Variants in ASAP1 observed in about 807,000 individuals in gnomAD.
The protein encoded by ASAP1 is arf-GAP with SH3 domain, ANK repeat and PH domain-containing protein 1.
In ASAP1, 43 loss-of-function variants were observed where a neutral mutation model predicts 145.2. That is an observed-to-expected ratio of 0.30 (90% CI 0.23 to 0.38). The LOEUF (loss-of-function observed/expected upper bound fraction) is 0.38. Among genes scored for constraint, ASAP1 ranks in the 10% least tolerant of loss-of-function variants. The probability of loss-of-function intolerance (pLI) is 1.00; values close to 1 mark genes in which losing one functional copy is unlikely to be tolerated. For synonymous variants in ASAP1, 546 were observed against 515.5 expected (o/e 1.06, Z -0.80); for missense variants, 1,018 against 1,355.3 (o/e 0.75, Z 3.91).
chr8:130,131,065 C>A (rs766146477), intron 15 of ASAP1, among the ~76,000 whole-genome samples: 14 of 151,904 alleles, frequency 9.2e-5, no homozygotes, highest in Non-Finnish European at 1.6e-4. Flanking sequence ...GCTGAGGCAG[C>A]AGAATTGCTT....
intron 3 of ASAP1, among the ~76,000 whole-genome samples, chr8:130,354,350 CCA>C (rs1297538968): frequency 7.2e-5 from 11 of 152,114 alleles, no homozygotes; most frequent in Non-Finnish European, 1.6e-4. Context: ...AGCATTCATG[CCA>C]TGTGTCGACA....
intron 2 of ASAP1, among the ~76,000 whole-genome samples, chr8:130,394,283 T>C (rs1328966627): frequency 6.6e-6 from 1 of 152,176 alleles, no homozygotes; most frequent in East Asian, 1.9e-4. Context: ...AGAAAGAGAA[T>C]GCGCCCCTGA....
chr8:130,227,984 CTT>C (rs1185501418), intron 4 of ASAP1, among the ~76,000 whole-genome samples: 1 of 152,140 alleles, frequency 6.6e-6, no homozygotes, highest in Non-Finnish European at 1.5e-5. Context: ...GGGCAGGTCT[CTT>C]TGGATCAGTT....
intron 2 of ASAP1, among the ~76,000 whole-genome samples, chr8:130,385,526 A>G (rs920225853): frequency 6.6e-6 from 1 of 152,230 alleles, no homozygotes; most frequent in African/African-American, 2.4e-5. Context: ...GGCGTGCCCA[A>G]GAGAGTCTCA....
chr8:130,216,319 G>A lies in ASAP1; in HGVS notation c.260-1618C>T, dbSNP rs555636818. Among the ~76,000 whole-genome samples the A allele has an allele frequency of 3.3e-5, 5 of 152,338 alleles. No homozygotes were observed. The East Asian group carries it at 7.7e-4, about 23-fold the overall frequency. ...TGGATCAGATGAATTAGGTGCACAT[G>A]AGAAACATTAATTTGTGAAAATTTC... On this transcript the variant is annotated intron_variant, in intron 4 of 29. Transcript: ENST00000518721.
intron 24 of ASAP1, among the ~76,000 whole-genome samples, chr8:130,108,964 G>A (rs572099826): frequency 1.3e-5 from 2 of 151,552 alleles, no homozygotes; most frequent in African/African-American, 2.4e-5. Context: ...TAGTAGAGAC[G>A]GGGTTTCTCC....
chr8:130,322,794 A>G (rs533421111), intron 3 of ASAP1, among the ~76,000 whole-genome samples: 1 of 152,336 alleles, frequency 6.6e-6, no homozygotes, highest in South Asian at 2.1e-4. Flanking sequence ...TATAACTAAC[A>G]AAGGGCAGAA....
chr8:130,202,368 C>T (rs1815921104), intron 5 of ASAP1, among the ~76,000 whole-genome samples: 1 of 151,842 alleles, frequency 6.6e-6, no homozygotes, highest in South Asian at 2.1e-4. Context: ...TTAAGTAGTG[C>T]TTTAGGGTAA....
At chr8:130,436,018 A>C (rs1046980485) in intron 1 of ASAP1, among the ~76,000 whole-genome samples, 1 of 152,204 alleles carries the variant, frequency 6.6e-6, no homozygotes, top group African/African-American at 2.4e-5. Context: ...ATGAGCCACT[A>C]AGCCCCCAAA....
chr8:130,124,622 C>G (rs537196519), intron 17 of ASAP1, among the ~76,000 whole-genome samples: 10 of 152,308 alleles, frequency 6.6e-5, no homozygotes, highest in Admixed American at 2.6e-4. Flanking sequence ...GCAGAGGACC[C>G]AGGAACCATT....
Position 130,151,370 on chromosome 8 carries a change from C to CAAA in ASAP1, c.1080+1363_1080+1365dup, listed in dbSNP as rs58367856. Reference sequence around the variant, plus strand: ...TGGGTGAAAGAGCGAGACTCAGTCTCAAAAAAAAAAAAAAAAAAAAAAAAA... The same window carrying CAAA: ...TGGGTGAAAGAGCGAGACTCAGTCTCAAAAAAAAAAAAAAAAAAAAAAAAAAAA... On this transcript the variant is annotated intron_variant, in intron 13 of 29. Transcript: ENST00000518721. Among the ~76,000 whole-genome samples the CAAA allele has an allele frequency of 3.1e-3, 197 of 62,816 alleles. 8 individuals carry two copies. Among genetic ancestry groups the CAAA allele is most frequent in the Middle Eastern group, 0.013 (1 of 80 alleles). 41.2% of individuals were successfully genotyped at this position (62,816 alleles called of 152,430 possible). A position where few individuals can be genotyped will look rare whatever the true frequency, so the allele number is the denominator to read the frequency against.
At chr8:130,297,434 T>C (rs1565183076) in intron 3 of ASAP1, among the ~76,000 whole-genome samples, 1 of 152,240 alleles carries the variant, frequency 6.6e-6, no homozygotes, top group Non-Finnish European at 1.5e-5. Context: ...CTGTGGCTGT[T>C]CAAGGGTCAA....
intron 9 of ASAP1, among the ~76,000 whole-genome samples, chr8:130,175,424 C>T (rs944391796): frequency 6.6e-6 from 1 of 152,050 alleles, no homozygotes; most frequent in Non-Finnish European, 1.5e-5. Flanking sequence ...CAGAGTCTCC[C>T]TGTGTTGCCC....
chr8:130,407,211 C>T (rs892645188), intron 1 of ASAP1, among the ~76,000 whole-genome samples: 5 of 152,168 alleles, frequency 3.3e-5, no homozygotes, highest in Admixed American at 6.5e-5. Context: ...CATTGAGGAA[C>T]GTGTCCAAGG....
chr8:130,125,410 C>A (rs946308245), intron 17 of ASAP1, among the ~76,000 whole-genome samples: 13 of 152,068 alleles, frequency 8.5e-5, no homozygotes, highest in Non-Finnish European at 1.0e-4. Context: ...GTGTACATAA[C>A]CCCTTTTTTG....
intron 18 of ASAP1, among the ~76,000 whole-genome samples, chr8:130,123,523 C>T (rs532270036): frequency 5.9e-5 from 9 of 152,278 alleles, no homozygotes; most frequent in South Asian, 2.1e-4. Flanking sequence ...CTGTGCATCC[C>T]GGAAATACAT....
In ASAP1 at chr8:130,152,793, T is replaced by C. The variant is rs778187745; in HGVS notation, c.1023A>G (p.Val341=). Residue 341 remains valine (V), a synonymous_variant, in exon 13 of 30, where the codon GTA becomes GTG. Coordinates refer to ENST00000518721, the MANE Select transcript of ASAP1 (RefSeq NM_018482.4). ...TGACTGAACACTTCCTCCTCTGCCA[T>C]ACTTTCCGGATCCTAAGGAGGAAGT... ...LLKKSDGIRK[V]WQRRKCSVKN... is the part of the protein sequence containing the mutation. The C allele has an allele frequency of 4.3e-6, 7 of 1,609,298 alleles. No individual in the cohort carries two copies. In the South Asian group the frequency reaches 6.6e-5, roughly 15 times the overall value.
At chr8:130,363,643 G>T (rs1826818456) in intron 2 of ASAP1, among the ~76,000 whole-genome samples, 1 of 152,138 alleles carries the variant, frequency 6.6e-6, no homozygotes, top group Non-Finnish European at 1.5e-5. Context: ...TCATATAACA[G>T]TCCTGAGATG....
chr8:130,265,421 A>G (rs527902342), intron 3 of ASAP1, among the ~76,000 whole-genome samples: 1 of 151,900 alleles, frequency 6.6e-6, no homozygotes, highest in African/African-American at 2.4e-5. Context: ...AATTTTTAAA[A>G]AAGTAACAGG....
Sources: gnomAD v4.1 joint callset for allele counts (sites outside exome capture counted in the v4.1 genomes callset) on GRCh38, gnomAD v4.1.1 for gene constraint, MANE v1.5 for transcripts, NCBI Gene and HGNC (gene_info 2026-07-23, HGNC 2026-07-21) for gene names.